Variants in MPND observed in about 807,000 individuals in gnomAD.
MPND encodes the protein MPN domain containing, also known as MPN domain-containing protein.
Under a neutral mutation model 59.2 loss-of-function variants are expected in MPND, and 56 were observed. That is an observed-to-expected ratio of 0.95 (90% CI 0.76 to 1.18). The LOEUF is 1.18. Among genes scored for constraint, MPND ranks in the 50% most tolerant of loss-of-function variants. The pLI is 0.00. For missense variants in MPND, 671 were observed against 676.0 expected (o/e 0.99, Z 0.08); for synonymous variants, 323 against 291.9 (o/e 1.11, Z -1.09).
rs1172827840 is a variant in MPND, at chr19:4,352,978, G to T, written c.613G>T (p.Asp205Tyr). Residue 205 changes from aspartate (D) to tyrosine (Y), a missense_variant, in exon 4 of 13, where the codon GAC becomes TAC. Transcript: ENST00000599840. ...CGTTCTGGCAGGGGTCTCAGCAGAG[G>T]ACAAGAGTCGGAGACCACTGGGGAA... ...EDVLAGVSAE[D>Y]KSRRPLGKSP... is the part of the protein sequence containing the mutation. 2 of 1,380,194 alleles carry T rather than the reference G, an allele frequency of 1.4e-6. No individual in the cohort carries two copies. Among genetic ancestry groups the T allele is most frequent in the South Asian group, 2.0e-5 (1 of 49,272 alleles). 85.5% of individuals were successfully genotyped at this position (1,380,194 alleles called of 1,614,324 possible).
At chr19:4,359,533 T>A (rs1052252893) in intron 12 of MPND, among the ~76,000 whole-genome samples, 1 of 152,040 alleles carries the variant, frequency 6.6e-6, no homozygotes, top group African/African-American at 2.4e-5. Context: ...TGGCCACCCC[T>A]GAGTGTCTTA....
Position 4,343,795 on chromosome 19 carries a change from G to C in MPND, c.95G>C (p.Arg32Pro). The C allele has an allele frequency of 8.3e-7, 1 of 1,209,314 alleles. No individual in the cohort carries two copies. 74.9% of individuals were successfully genotyped at this position (1,209,314 alleles called of 1,614,324 possible). ...GAAGCGGAGGCCGAGGACCCTGAGC[G>C]GCCGAATGCGGGAGCGGGCGGTGGA... The part of the protein sequence containing the change: ...EDEAEAEDPE[R>P]PNAGAGGGRS... Residue 32 changes from arginine to proline, a missense_variant, in exon 2 of 13, where the codon CGG (arginine) becomes CCG (proline). Transcript: ENST00000599840.
Position 4,358,510 on chromosome 19 carries a change from A to C in MPND, c.1326+338A>C, listed in dbSNP as rs554671891. The C allele has an allele frequency of 1.2e-5, 3 of 258,392 alleles. No individual in the cohort carries two copies. In the East Asian group the frequency reaches 2.7e-4, roughly 23 times the overall value. The allele number at this position is 258,392 out of a possible 1,614,324, so 16.0% of individuals were successfully genotyped here. A position where few individuals can be genotyped will look rare whatever the true frequency, so the allele number is the denominator to read the frequency against. ...TGCATTTAAAACACTAAACTAAGGC[A>C]GACATAGTGGCTCACGCCTGTAATC... On this transcript the variant is annotated intron_variant, in intron 11 of 12. Coordinates refer to ENST00000599840, the MANE Select transcript of MPND (RefSeq NM_001300862.2).
intron 3 of MPND, among the ~76,000 whole-genome samples, chr19:4,352,070 G>A (rs935902396): frequency 6.6e-6 from 1 of 151,818 alleles, no homozygotes; most frequent in Non-Finnish European, 1.5e-5. Flanking sequence ...CTACTCAGGA[G>A]GCTGAGGCAA....
Position 4,355,190 on chromosome 19 carries a change from G to A in MPND, c.996+17G>A. The stretch of plus-strand genomic sequence containing the variant: ...GAAGAGGAGGTGAGGGGCTACCTGG[G>A]AGGTGGCATTCTGGGGAGGGTTGGG... On this transcript the variant is annotated intron_variant, in intron 8 of 12. Coordinates refer to ENST00000599840, the MANE Select transcript of MPND (RefSeq NM_001300862.2). The A allele has an allele frequency of 6.2e-7, 1 of 1,611,972 alleles. No individual in the cohort carries two copies. The highest frequency in any genetic ancestry group is 1.1e-5 in the South Asian group (1 of 90,960).
chr19:4,351,953 A>C (rs1414064390), intron 3 of MPND, among the ~76,000 whole-genome samples: 1 of 150,966 alleles, frequency 6.6e-6, no homozygotes, highest in East Asian at 1.9e-4. Flanking sequence ...CAGGTGGGTC[A>C]CTTGAGGTCA....
At chr19:4,357,804 C>T (rs1488722298) in intron 10 of MPND, 2 of 612,394 alleles carry the variant, frequency 3.3e-6, no homozygotes, top group Admixed American at 3.0e-5. Context: ...ACAAAGAGGG[C>T]TCCCTTCCTG....
rs373394568 is a variant in MPND at position 4,355,008 on chromosome 19, C to T, written c.906C>T (p.Asp302=). 13 of 1,599,088 alleles carry T rather than the reference C, an allele frequency of 8.1e-6. No homozygotes were observed. The highest frequency in any genetic ancestry group is 5.5e-5 in the South Asian group (5 of 90,466). ...EVVGYLGGRW[D]VNSQMLTVLR... is the part of the protein sequence containing the mutation. ...TGGGTTACCTGGGGGGCCGCTGGGA[C>T]GTCAACAGCCAGAGTGGGTATCCAG... Residue 302 remains aspartate (D), a synonymous_variant, in exon 7 of 13, where the codon GAC becomes GAT. Coordinates refer to ENST00000599840, the MANE Select transcript of MPND (RefSeq NM_001300862.2).
At chr19:4,357,047 G>A (rs896903478) in intron 8 of MPND, 1 of 445,800 alleles carries the variant, frequency 2.2e-6, no homozygotes, top group African/African-American at 2.0e-5. Context: ...GTGGCAGGGT[G>A]CATCTTTTAT....
intron 8 of MPND, chr19:4,356,949 CTGTT>C (rs1243495090): frequency 1.1e-4 from 30 of 281,046 alleles, no homozygotes; most frequent in African/African-American, 4.6e-4. Context: ...CTAGTTTTAA[CTGTT>C]TGTTGAGTGC....
chr19:4,350,297 G>C (rs1169733388), intron 3 of MPND, among the ~76,000 whole-genome samples: 6 of 152,144 alleles, frequency 3.9e-5, no homozygotes, highest in African/African-American at 1.4e-4. Context: ...AAGGGGACAG[G>C]GCAGGTCATG....
intron 11 of MPND, chr19:4,358,514 A>G (rs574568444): frequency 1.2e-5 from 3 of 246,098 alleles, no homozygotes; most frequent in African/African-American, 2.3e-5. Flanking sequence ...TAAGGCAGAC[A>G]TAGTGGCTCA....
intron 4 of MPND, among the ~76,000 whole-genome samples, chr19:4,353,405 C>A (rs910285246): frequency 6.6e-6 from 1 of 152,054 alleles, no homozygotes; most frequent in African/African-American, 2.4e-5. Context: ...ATAGCTGGGA[C>A]TATAGGCGCC....
At chr19:4,344,299 C>T (rs920323863) in intron 2 of MPND, among the ~76,000 whole-genome samples, 5 of 147,266 alleles carry the variant, frequency 3.4e-5, no homozygotes, top group African/African-American at 5.1e-5. Context: ...CAGGAAGAGC[C>T]CCGGTGTGAG....
intron 8 of MPND, chr19:4,356,766 G>A (rs1403189574): frequency 1.3e-5 from 2 of 152,336 alleles, no homozygotes; most frequent in Non-Finnish European, 2.9e-5. Context: ...AGCCTCCATA[G>A]TAGATGGGAG....
chr19:4,355,487 C>A (rs1972418496), intron 8 of MPND, among the ~76,000 whole-genome samples: 2 of 152,168 alleles, frequency 1.3e-5, no homozygotes, highest in South Asian at 4.1e-4. Flanking sequence ...AGGTGCCTGC[C>A]ACCACGCCCA....
chr19:4,352,929 G>A lies in MPND; in HGVS notation c.564G>A (p.Leu188=). The A allele has an allele frequency of 7.1e-7, 1 of 1,402,184 alleles. No homozygotes were observed. The highest frequency in any genetic ancestry group is 9.4e-7 in the Non-Finnish European group (1 of 1,068,736). 86.9% of individuals were successfully genotyped at this position (1,402,184 alleles called of 1,614,324 possible). A position where few individuals can be genotyped will look rare whatever the true frequency, so the allele number is the denominator to read the frequency against. Residue 188 remains leucine, a synonymous_variant, in exon 4 of 13, where the codon TTG becomes TTA. Coordinates refer to ENST00000599840, the MANE Select transcript of MPND (RefSeq NM_001300862.2). The part of the protein sequence containing the change: ...SPASEGEEEE[L]LMEEEEEDVL... ...CCAGTGAAGGGGAGGAGGAGGAGTT[G>A]CTGATGGAAGAGGAGGAGGAGGACG...
At chr19:4,346,108 C>T (rs187516797) in intron 3 of MPND, 127 bp downstream of exon 3, 6 of 762,162 alleles carry the variant, frequency 7.9e-6, no homozygotes, top group African/African-American at 3.5e-5. Flanking sequence ...GCCCTTACCA[C>T]GTGACATGCC....
chr19:4,350,839 C>T (rs1249116000), intron 3 of MPND, among the ~76,000 whole-genome samples: 1 of 151,874 alleles, frequency 6.6e-6, no homozygotes, highest in Non-Finnish European at 1.5e-5. Flanking sequence ...ATTTGGAGCC[C>T]TGAGAGGGGA....
Sources: allele counts gnomAD v4.1 joint callset (sites outside exome capture counted in the v4.1 genomes callset), GRCh38; gene constraint gnomAD v4.1.1; transcripts MANE v1.5; gene names NCBI Gene and HGNC (gene_info 2026-07-23, HGNC 2026-07-21).